The following HCN1 variants were observed in gnomAD, a reference collection of about 807,000 sequenced individuals.
HCN1 encodes the protein potassium/sodium hyperpolarization-activated cyclic nucleotide-gated channel 1.
Under a neutral mutation model 78.9 loss-of-function variants are expected in HCN1, and 13 were observed. The observed-to-expected ratio is 0.16, with a 90% CI of 0.11 to 0.26. HCN1 has a LOEUF of 0.26. Ranked by LOEUF, HCN1 falls within the 10% of genes least tolerant of loss-of-function variation. The probability of loss-of-function intolerance (pLI) is 1.00; values close to 1 mark genes in which losing one functional copy is unlikely to be tolerated. For synonymous variants in HCN1, 552 were observed against 455.5 expected, an observed-to-expected ratio of 1.21 and a Z score of -2.70; for missense variants, 810 against 1,154.3, an observed-to-expected ratio of 0.70 and a Z score of 4.32.
At chr5:45,692,089 G>A (rs1055050902) in intron 1 of HCN1, among the ~76,000 whole-genome samples, 2 of 152,116 alleles carry the variant, frequency 1.3e-5, no homozygotes, top group Non-Finnish European at 2.9e-5. Flanking sequence ...TAAGCATGAT[G>A]GAACAAAATA....
At chr5:45,338,002 A>G (rs986477666) in intron 5 of HCN1, among the ~76,000 whole-genome samples, 58 of 152,294 alleles carry the variant, frequency 3.8e-4, no homozygotes, top group African/African-American at 1.4e-3. Flanking sequence ...TTTTATATGC[A>G]TGGTATGAGG....
chr5:45,529,267 C>T (rs967806079), intron 2 of HCN1, among the ~76,000 whole-genome samples: 1 of 152,050 alleles, frequency 6.6e-6, no homozygotes, highest in Non-Finnish European at 1.5e-5. Flanking sequence ...CTCCCTCCCT[C>T]ATGCCACCAC....
chr5:45,514,679 T>G (rs1276673373), intron 2 of HCN1, among the ~76,000 whole-genome samples: 2 of 152,084 alleles, frequency 1.3e-5, no homozygotes, highest in Non-Finnish European at 2.9e-5. Flanking sequence ...AGCTTGGAAT[T>G]TCTACTCATC....
chr5:45,436,364 G>T (rs1049443311), intron 3 of HCN1, among the ~76,000 whole-genome samples: 1 of 152,110 alleles, frequency 6.6e-6, no homozygotes, highest in African/African-American at 2.4e-5. Flanking sequence ...TGTTGCTTAA[G>T]GCAGGGGGGA....
intron 1 of HCN1, 41 bp downstream of exon 1, chr5:45,695,628 G>C (rs1561248306): frequency 6.3e-7 from 1 of 1,590,766 alleles, no homozygotes; most frequent in Non-Finnish European, 8.6e-7. Context: ...GTTTCAGGGC[G>C]CGCCTGAAGG....
At chr5:45,561,154 G>C (rs1743592064) in intron 2 of HCN1, among the ~76,000 whole-genome samples, 1 of 151,944 alleles carries the variant, frequency 6.6e-6, no homozygotes, top group African/African-American at 2.4e-5. Context: ...ATATAGGAAA[G>C]TTATTCATTC....
intron 2 of HCN1, among the ~76,000 whole-genome samples, chr5:45,530,238 T>A (rs2111800700): frequency 6.6e-6 from 1 of 152,166 alleles, no homozygotes; most frequent in South Asian, 2.1e-4. Context: ...GCTTAACTCA[T>A]GTTTGAAAAC....
intron 3 of HCN1, among the ~76,000 whole-genome samples, chr5:45,447,330 C>A (rs1740820042): frequency 6.6e-6 from 1 of 152,172 alleles, no homozygotes; most frequent in African/African-American, 2.4e-5. Flanking sequence ...GTAACCACAG[C>A]CTCCCCAGCT....
chr5:45,363,798 AAT>A (rs1250266246), intron 4 of HCN1, among the ~76,000 whole-genome samples: 1 of 151,914 alleles, frequency 6.6e-6, no homozygotes, highest in Non-Finnish European at 1.5e-5. Context: ...GCTGTCGCCA[AAT>A]AAGAAGTGCC....
chr5:45,640,772 A>G (rs2112025406), intron 2 of HCN1, among the ~76,000 whole-genome samples: 1 of 150,526 alleles, frequency 6.6e-6, no homozygotes, highest in Admixed American at 6.7e-5. Context: ...ACAGGGTTTC[A>G]CCATGTTGGC....
At chr5:45,377,094 G>C (rs536869305) in intron 4 of HCN1, among the ~76,000 whole-genome samples, 33 of 151,974 alleles carry the variant, frequency 2.2e-4, no homozygotes, top group Non-Finnish European at 4.1e-4. Context: ...AATGGTGGAA[G>C]TTATAGAGAT....
rs970235445 is a variant in HCN1 at position 45,257,652 on chromosome 5, G to A, written c.*4269C>T. 2 of 152,050 alleles carry A rather than the reference G, an allele frequency of 1.3e-5. No individual in the cohort carries two copies. Among genetic ancestry groups the A allele is most frequent in the African/African-American group, 4.8e-5 (2 of 41,370 alleles). 9.4% of individuals were successfully genotyped at this position (152,050 alleles called of 1,614,324 possible). A position where few individuals can be genotyped will look rare whatever the true frequency, so the allele number is the denominator to read the frequency against. On this transcript the variant is annotated 3_prime_UTR_variant, in exon 8 of 8. Transcript: ENST00000303230. ...GAGATGCAGGGTTGTGCAAGTGCAG[G>A]GTTGTTAAAAAGGAAAAAAATTGAA...
chr5:45,557,334 T>C (rs1009564610), intron 2 of HCN1, among the ~76,000 whole-genome samples: 1 of 152,144 alleles, frequency 6.6e-6, no homozygotes, highest in African/African-American at 2.4e-5. Flanking sequence ...GGGAAACAAC[T>C]GCAGCTTTTA....
intron 3 of HCN1, among the ~76,000 whole-genome samples, chr5:45,429,867 T>C (rs1740427866): frequency 6.6e-6 from 1 of 151,988 alleles, no homozygotes; most frequent in South Asian, 2.1e-4. Flanking sequence ...CATAGGAAAG[T>C]AATTTTCATG....
chr5:45,279,174 G>A (rs143831232), intron 6 of HCN1, among the ~76,000 whole-genome samples: 1 of 152,168 alleles, frequency 6.6e-6, no homozygotes, highest in Non-Finnish European at 1.5e-5. Flanking sequence ...TGAGGAATTA[G>A]GTCAAACAGT....
chr5:45,620,819 C>G lies in HCN1; in HGVS notation c.849+24366G>C, dbSNP rs896071722. On this transcript the variant is annotated intron_variant, in intron 2 of 7. Coordinates refer to ENST00000303230, the MANE Select transcript of HCN1 (RefSeq NM_021072.4). ...CCCTGTATCTGACAAGTCTACAGTA[C>G]CCTATCTAACAAACCAAATGAAGGT... is the stretch of plus-strand genomic sequence containing the variant. Among the ~76,000 whole-genome samples the G allele has an allele frequency of 9.6e-4, 146 of 152,222 alleles. 2 individuals are homozygous for G. Among genetic ancestry groups the G allele is most frequent in the African/African-American group, 3.4e-3 (143 of 41,554 alleles).
intron 5 of HCN1, among the ~76,000 whole-genome samples, chr5:45,329,069 T>C (rs1746290787): frequency 6.6e-6 from 1 of 151,564 alleles, no homozygotes; most frequent in Admixed American, 6.6e-5. Context: ...GGAAAATAGA[T>C]TCAAGATTGG....
At chr5:45,533,883 G>C (rs1407609749) in intron 2 of HCN1, among the ~76,000 whole-genome samples, 1 of 152,204 alleles carries the variant, frequency 6.6e-6, no homozygotes, top group Non-Finnish European at 1.5e-5. Flanking sequence ...AGGGTCATTA[G>C]TGGAGTGCAG....
intron 5 of HCN1, among the ~76,000 whole-genome samples, chr5:45,335,874 T>A (rs1746443407): frequency 6.6e-6 from 1 of 152,010 alleles, no homozygotes; most frequent in African/African-American, 2.4e-5. Flanking sequence ...GTTGAACATC[T>A]AGTTAGTAGC....
Sources: gnomAD v4.1 joint callset for allele counts (sites outside exome capture counted in the v4.1 genomes callset) on GRCh38, gnomAD v4.1.1 for gene constraint, MANE v1.5 for transcripts, NCBI Gene and HGNC (gene_info 2026-07-23, HGNC 2026-07-21) for gene names.